The following LINGO2 variants were observed in gnomAD, a reference collection of about 807,000 sequenced individuals.
LINGO2 encodes leucine rich repeat and Ig domain containing 2, also known as leucine-rich repeat and immunoglobulin-like domain-containing nogo receptor-interacting protein 2.
LINGO2 carries 14 observed loss-of-function variants against 30.6 expected under a neutral mutation model. That is an observed-to-expected ratio of 0.46 (90% confidence interval 0.30 to 0.72). The LOEUF (loss-of-function observed/expected upper bound fraction) is 0.72, where lower values mean the gene tolerates loss of function less well. LINGO2 is among the 30% of genes least tolerant of loss of function. LINGO2 has a pLI of 0.07. For synonymous variants in LINGO2, 317 were observed against 288.5 expected (o/e 1.10, Z -1.00); for missense variants, 729 against 751.7 (o/e 0.97, Z 0.35).
the LINGO2 span, among the ~76,000 whole-genome samples, chr9:28,785,479 G>T: frequency 6.6e-6 from 1 of 152,098 alleles, no homozygotes; most frequent in South Asian, 2.1e-4. Flanking sequence ...AAATCGCTTT[G>T]CTTATTGATT....
At chr9:28,465,423 G>A (rs959649215) in intron 2 of LINGO2, among the ~76,000 whole-genome samples, 18 of 152,100 alleles carry the variant, frequency 1.2e-4, no homozygotes, top group Non-Finnish European at 1.5e-5. Flanking sequence ...TTGTGTGTGT[G>A]CGCTGAGTTT....
the LINGO2 span, among the ~76,000 whole-genome samples, chr9:29,040,234 T>C: frequency 1.3e-5 from 2 of 152,104 alleles, no homozygotes; most frequent in Non-Finnish European, 2.9e-5. Flanking sequence ...GTCACTAAAA[T>C]ACATTTTAAA....
chr9:29,071,679 A>G, the LINGO2 span, among the ~76,000 whole-genome samples: 1 of 151,856 alleles, frequency 6.6e-6, no homozygotes, highest in African/African-American at 2.4e-5. Context: ...ATGAAAAATC[A>G]GGCTTTTTAC....
intron 2 of LINGO2, among the ~76,000 whole-genome samples, chr9:28,412,759 G>A (rs1342023460): frequency 6.6e-6 from 1 of 151,970 alleles, no homozygotes; most frequent in African/African-American, 2.4e-5. Context: ...TTTTCATTAA[G>A]AAATCTAAAT....
At chr9:28,655,331 T>A in intron 1 of LINGO2, among the ~76,000 whole-genome samples, 1 of 152,092 alleles carries the variant, frequency 6.6e-6, no homozygotes, top group Admixed American at 6.6e-5. Context: ...CTTTACCCAA[T>A]GCCTGCACCC....
chr9:28,533,380 A>G (rs1564272007), intron 1 of LINGO2, among the ~76,000 whole-genome samples: 1 of 152,026 alleles, frequency 6.6e-6, no homozygotes, highest in South Asian at 2.1e-4. Context: ...CAGATGGCCT[A>G]TTGTGGGACT....
intron 4 of LINGO2, among the ~76,000 whole-genome samples, chr9:28,254,013 T>C (rs761456989): frequency 1.3e-5 from 2 of 152,076 alleles, no homozygotes; most frequent in Non-Finnish European, 2.9e-5. Context: ...TTTTTCCCTT[T>C]TGCCCAACAA....
At chr9:28,003,695 T>C (rs1822105506) in intron 5 of LINGO2, among the ~76,000 whole-genome samples, 1 of 152,196 alleles carries the variant, frequency 6.6e-6, no homozygotes, top group South Asian at 2.1e-4. Flanking sequence ...TCTCCTGACC[T>C]TGTGATCCGC....
the LINGO2 span, among the ~76,000 whole-genome samples, chr9:28,813,806 A>C: frequency 6.6e-6 from 1 of 152,220 alleles, no homozygotes; most frequent in Admixed American, 6.5e-5. Flanking sequence ...TGAAACATAA[A>C]AAATAAAAAG....
intron 2 of LINGO2, among the ~76,000 whole-genome samples, chr9:28,457,724 C>T (rs1047968753): frequency 6.6e-6 from 1 of 152,118 alleles, no homozygotes; most frequent in African/African-American, 2.4e-5. Context: ...AGTCACTGTG[C>T]TGCATGGAAA....
At chr9:29,036,674 A>G in the LINGO2 span, among the ~76,000 whole-genome samples, 2 of 152,034 alleles carry the variant, frequency 1.3e-5, no homozygotes, top group African/African-American at 4.8e-5. Flanking sequence ...TCTGATCACT[A>G]TCACTCATTC....
At chr9:29,135,532 T>G in the LINGO2 span, among the ~76,000 whole-genome samples, 3 of 145,682 alleles carry the variant, frequency 2.1e-5, no homozygotes, top group Non-Finnish European at 3.0e-5. Context: ...CACTCCAGCC[T>G]GGGTGACAGA....
chr9:28,954,047 TG>T, the LINGO2 span, among the ~76,000 whole-genome samples: 1 of 152,170 alleles, frequency 6.6e-6, no homozygotes, highest in Non-Finnish European at 1.5e-5. Flanking sequence ...TATTGGGAAG[TG>T]TCACACCTAT....
At chr9:28,790,760 T>C in the LINGO2 span, among the ~76,000 whole-genome samples, 4 of 152,202 alleles carry the variant, frequency 2.6e-5, no homozygotes, top group Non-Finnish European at 5.9e-5. Context: ...TATAATAGTT[T>C]ATCAGTTATT....
chr9:28,429,227 A>G (rs1823542956), intron 2 of LINGO2, among the ~76,000 whole-genome samples: 1 of 152,336 alleles, frequency 6.6e-6, no homozygotes, highest in East Asian at 1.9e-4. Flanking sequence ...TGCAGAACAC[A>G]TTGCAAAGAC....
intron 1 of LINGO2, among the ~76,000 whole-genome samples, chr9:28,643,417 G>C (rs1375463972): frequency 2.6e-5 from 4 of 151,938 alleles, no homozygotes; most frequent in Admixed American, 2.6e-4. Context: ...TTTTAACAAA[G>C]ATGCCAAGAA....
intron 1 of LINGO2, among the ~76,000 whole-genome samples, chr9:28,625,734 T>C (rs1826632926): frequency 6.6e-6 from 1 of 152,140 alleles, no homozygotes; most frequent in African/African-American, 2.4e-5. Flanking sequence ...CCTGAACATT[T>C]GGGTTGTTTC....
the LINGO2 span, among the ~76,000 whole-genome samples, chr9:28,784,342 A>G: frequency 6.6e-6 from 1 of 152,186 alleles, no homozygotes; most frequent in Admixed American, 6.5e-5. Context: ...TAATTGCAGA[A>G]AGAAGCTCTG....
At chr9:28,892,693 T>A in the LINGO2 span, among the ~76,000 whole-genome samples, 129,295 of 151,836 alleles carry the variant, frequency 0.85, 55,229 homozygotes, top group Non-Finnish European at 0.89. Flanking sequence ...ACAGCAATGA[T>A]AACTGTATTG....
Sources: gnomAD v4.1 joint callset for allele counts (sites outside exome capture counted in the v4.1 genomes callset) on GRCh38, gnomAD v4.1.1 for gene constraint, MANE v1.5 for transcripts, NCBI Gene and HGNC (gene_info 2026-07-23, HGNC 2026-07-21) for gene names.